Variants in SREBF2 observed in about 807,000 individuals in gnomAD.
SREBF2 encodes sterol regulatory element-binding protein 2.
In SREBF2, 55 loss-of-function variants were observed where a neutral mutation model predicts 113.1. The ratio of observed to expected loss-of-function variants is 0.49; its 90% CI spans 0.39 to 0.61. The LOEUF (loss-of-function observed/expected upper bound fraction) is 0.61, where lower values mean the gene tolerates loss of function less well. Among genes scored for constraint, SREBF2 ranks in the 20% least tolerant of loss-of-function variants. The probability of loss-of-function intolerance (pLI) is 0.00; values close to 1 mark genes in which losing one functional copy is unlikely to be tolerated. For missense variants in SREBF2, 1,349 were observed against 1,487.4 expected, an observed-to-expected ratio of 0.91 and a Z score of 1.53; for synonymous variants, 593 against 605.7, an observed-to-expected ratio of 0.98 and a Z score of 0.31.
chr22:41,906,852 G>A lies in SREBF2; in HGVS notation c.*1192G>A, dbSNP rs991833450. ...GGAATGAGGTCCCCTGCCTCGATGC[G>A]GGTCCTAGGAGAAAAAGTCCTACTT... On this transcript the variant is annotated 3_prime_UTR_variant, in exon 19 of 19. Coordinates refer to ENST00000361204, the MANE Select transcript of SREBF2 (RefSeq NM_004599.4). The A allele has an allele frequency of 1.3e-5, 2 of 152,106 alleles. No individual in the cohort carries two copies. Among genetic ancestry groups the A allele is most frequent in the Admixed American group, 6.5e-5 (1 of 15,268 alleles). 9.4% of individuals were successfully genotyped at this position (152,106 alleles called of 1,614,324 possible). A position where few individuals can be genotyped will look rare whatever the true frequency, so the allele number is the denominator to read the frequency against.
At chr22:41,878,750 T>C in intron 9 of SREBF2, 2 of 1,304,156 alleles carry the variant, frequency 1.5e-6, no homozygotes, top group Non-Finnish European at 2.0e-6. Flanking sequence ...AGAACACTCC[T>C]CAGCAGCAGT....
At position 41,877,974 on chromosome 22, in the gene SREBF2, A is replaced by G. The variant is rs750070440; in HGVS notation, c.1612A>G (p.Thr538Ala). 1.2e-6 allele frequency: 2 copies of G among 1,613,662 alleles called. No homozygotes were observed. Among genetic ancestry groups the G allele is most frequent in the South Asian group, 2.2e-5 (2 of 91,050 alleles). Residue 538 changes from threonine to alanine, a missense_variant, in exon 9 of 19, where the codon ACT becomes GCT. Coordinates refer to ENST00000361204, the MANE Select transcript of SREBF2 (RefSeq NM_004599.4). ...SGGWFDWMMP[T>A]LLLWLVNGVI... ...GGGCTGGTTTGACTGGATGATGCCT[A>G]CTCTTCTCTTATGGCTGGTAAATGG...
Position 41,901,121 on chromosome 22 carries a change from A to G in SREBF2, c.2907+623A>G, listed in dbSNP as rs1282683375. 4 of 379,668 alleles carry G rather than the reference A, an allele frequency of 1.1e-5. No homozygotes were observed. In the East Asian group the frequency reaches 3.3e-4, roughly 32 times the overall value. 23.5% of individuals were successfully genotyped at this position (379,668 alleles called of 1,614,324 possible). On this transcript the variant is annotated intron_variant, in intron 16 of 18. Transcript: ENST00000361204. ...CACTGTTGGGGCCCAAGTCACAGCC[A>G]TCCCAGGAAACAGGAGGGCACCCAG...
intron 1 of SREBF2, among the ~76,000 whole-genome samples, chr22:41,861,184 A>T (rs1214707761): frequency 6.6e-6 from 1 of 152,292 alleles, no homozygotes; most frequent in East Asian, 1.9e-4. Context: ...AAGGGCACAC[A>T]TTAAAACATT....
Position 41,866,969 on chromosome 22 carries a change from G to T in SREBF2, c.227G>T (p.Gly76Val). 2.5e-6 allele frequency: 4 copies of T among 1,614,112 alleles called. No homozygotes were observed. Among genetic ancestry groups the T allele is most frequent in the East Asian group, 2.2e-5 (1 of 44,884 alleles). The change falls in exon 2 of 19, where the codon GGC (glycine) becomes GTC (valine). Residue 76 changes from glycine (G) to valine (V), a missense_variant. Physicochemically the swap from Gly to Val is moderately radical, Grantham distance 109. Coordinates refer to ENST00000361204, the MANE Select transcript of SREBF2 (RefSeq NM_004599.4). ...SSGSSSSSSN[G>V]RGSSSGAVDP... ...GGCAGCAGCAGCAGCAGCAGCAATGGCAGGGGCAGCAGCAGCGGAGCTGTG... is the reference window on the plus strand; with the variant it reads ...GGCAGCAGCAGCAGCAGCAGCAATGTCAGGGGCAGCAGCAGCGGAGCTGTG...
chr22:41,903,280 C>T (rs1210783643), intron 17 of SREBF2, 125 bp downstream of exon 17: 4 of 1,174,810 alleles, frequency 3.4e-6, no homozygotes, highest in Middle Eastern at 5.4e-4. Flanking sequence ...GGTGACCTGT[C>T]GAGCACCTGC....
At position 41,906,258 on chromosome 22, in the gene SREBF2, A is replaced by AG; in HGVS notation, c.*604dup. Reference sequence around the variant, plus strand: ...TATTACACAGGACAGCCAGGGGAGGAGGGGGGCCCAGCCCTGGGAGGCTGG... The same window carrying AG: ...TATTACACAGGACAGCCAGGGGAGGAGGGGGGGCCCAGCCCTGGGAGGCTGG... On this transcript the variant is annotated 3_prime_UTR_variant, in exon 19 of 19. Coordinates refer to ENST00000361204, the MANE Select transcript of SREBF2 (RefSeq NM_004599.4). The AG allele has an allele frequency of 3.7e-6, 1 of 272,570 alleles. No homozygotes were observed. Among genetic ancestry groups the AG allele is most frequent in the Middle Eastern group, 1.4e-3 (1 of 710 alleles). The allele number at this position is 272,570 out of a possible 1,614,324, so 16.9% of individuals were successfully genotyped here.
chr22:41,885,070 T>C, intron 11 of SREBF2, 59 bp downstream of exon 11: 1 of 1,595,074 alleles, frequency 6.3e-7, no homozygotes, highest in South Asian at 1.1e-5. Flanking sequence ...TAGCCAGGAG[T>C]TAAGATGCAG....
intron 3 of SREBF2, 109 bp downstream of exon 3, chr22:41,868,901 G>A: frequency 7.0e-7 from 1 of 1,424,138 alleles, no homozygotes; most frequent in Admixed American, 2.0e-5. Context: ...TGTACACAAA[G>A]CAGCTTGTAG....
rs774325167 is a variant in SREBF2, at chr22:41,905,514, T to C, written c.3280T>C (p.Ser1094Pro). ...ILLACRHLPL[S>P]FLSSPGQRAV... ...GCTGGCCTGCCGCCACCTGCCCCTC[T>C]CCTTCCTCTCCTCCCCGGGCCAGCG... The change falls in exon 19 of 19, where the codon TCC becomes CCC. Residue 1094 changes from serine (S) to proline (P), a missense_variant. Ser to Pro is a moderately conservative substitution (Grantham distance 74). Transcript: ENST00000361204. The C allele has an allele frequency of 1.3e-6, 2 of 1,583,320 alleles. No individual in the cohort carries two copies. The highest frequency in any genetic ancestry group is 1.8e-5 in the Admixed American group (1 of 56,330).
intron 3 of SREBF2, 118 bp from the exon 4 acceptor site, chr22:41,870,771 A>G (rs1202525662): frequency 5.7e-6 from 8 of 1,410,566 alleles, no homozygotes; most frequent in African/African-American, 1.4e-5. Context: ...TTTATTCTCA[A>G]TTTCATAAAA....
chr22:41,881,100 C>G, intron 10 of SREBF2, 108 bp downstream of exon 10: 2 of 1,436,686 alleles, frequency 1.4e-6, no homozygotes, highest in Non-Finnish European at 9.4e-7. Flanking sequence ...CCCTTTAACG[C>G]TACTCTTTTA....
intron 1 of SREBF2, among the ~76,000 whole-genome samples, chr22:41,850,916 T>C (rs1420682482): frequency 6.6e-6 from 1 of 152,076 alleles, no homozygotes; most frequent in African/African-American, 2.4e-5. Context: ...AATTTTTGTA[T>C]TTTTGGTAGA....
intron 1 of SREBF2, among the ~76,000 whole-genome samples, chr22:41,836,031 G>C (rs1286186853): frequency 1.3e-5 from 2 of 152,266 alleles, no homozygotes; most frequent in Non-Finnish European, 2.9e-5. Flanking sequence ...AACTACCACA[G>C]TGGTTCAGTG....
Position 41,875,617 on chromosome 22 carries a change from A to T in SREBF2, c.1279A>T (p.Asn427Tyr). ...VDLKIEDFNQ[N>Y]VLLMSPPASD... ...CCTGAAGATCGAGGACTTTAATCAGAATGTCCTTCTGATGTCCCCCCCAGC... is the reference window on the plus strand; with the variant it reads ...CCTGAAGATCGAGGACTTTAATCAGTATGTCCTTCTGATGTCCCCCCCAGC... The change falls in exon 7 of 19, where the codon AAT becomes TAT. Residue 427 changes from asparagine (N) to tyrosine (Y), a missense_variant. Physicochemically the swap from Asn to Tyr is moderately radical, Grantham distance 143 (BLOSUM62 -2). Transcript: ENST00000361204. 2 of 1,614,142 alleles carry T rather than the reference A, an allele frequency of 1.2e-6. No individual in the cohort carries two copies. Among genetic ancestry groups the T allele is most frequent in the Non-Finnish European group, 1.7e-6 (2 of 1,180,030 alleles).
intron 4 of SREBF2, among the ~76,000 whole-genome samples, chr22:41,873,185 G>A (rs758379492): frequency 3.3e-5 from 5 of 151,842 alleles, no homozygotes; most frequent in Admixed American, 6.6e-5. Context: ...CAACAAGAGC[G>A]AAACTCCGTC....
At chr22:41,877,516 C>A (rs1039213387) in intron 8 of SREBF2, 95 bp downstream of exon 8, 9 of 1,420,156 alleles carry the variant, frequency 6.3e-6, no homozygotes, top group South Asian at 6.1e-5. Context: ...GCTACCAGGT[C>A]CCAAAGGGCT....
rs190497596 is a variant in SREBF2 at position 41,902,392 on chromosome 22, G to T, written c.2908-578G>T. On this transcript the variant is annotated intron_variant, in intron 16 of 18. Coordinates refer to ENST00000361204, the MANE Select transcript of SREBF2 (RefSeq NM_004599.4). The stretch of plus-strand genomic sequence containing the variant: ...GAATGAAGAAACTGAGGCTCAGAGA[G>T]ACTAAGTCCTATGCCAGGGTCATGT... 2.0e-5 allele frequency among the ~76,000 whole-genome samples: 3 copies of T among 152,322 alleles called. No individual in the cohort carries two copies. The East Asian group carries it at 5.8e-4, about 29-fold the overall frequency.
rs1602318824 is a variant in SREBF2, at chr22:41,877,925, G to A, written c.1580-17G>A. 6.2e-7 allele frequency: 1 copy of A among 1,614,176 alleles called. No homozygotes were observed. Among genetic ancestry groups the A allele is most frequent in the East Asian group, 2.2e-5 (1 of 44,880 alleles). ...AAGGCCTTTCCTAGCAGACTCTGCT[G>A]AGACGCTCCTTCTTAGGTTCTGGGG... On this transcript the variant is annotated splice_polypyrimidine_tract_variant and intron_variant, in intron 8 of 18. Coordinates refer to ENST00000361204, the MANE Select transcript of SREBF2 (RefSeq NM_004599.4).
Sources: gnomAD v4.1 joint callset for allele counts (sites outside exome capture counted in the v4.1 genomes callset) on GRCh38, gnomAD v4.1.1 for gene constraint, MANE v1.5 for transcripts, NCBI Gene and HGNC (gene_info 2026-07-23, HGNC 2026-07-21) for gene names.